The following ZDHHC13 variants were observed in gnomAD, a reference collection of about 807,000 sequenced individuals.
ZDHHC13 encodes zDHHC palmitoyltransferase 13.
In ZDHHC13, 85 loss-of-function variants were observed where a neutral mutation model predicts 86.0. The observed-to-expected ratio is 0.99, with a 90% confidence interval of 0.83 to 1.18. ZDHHC13 has a LOEUF of 1.18. Ranked by LOEUF, ZDHHC13 falls within the 50% of genes most tolerant of loss-of-function variation. ZDHHC13 has a pLI of 0.00. For synonymous variants in ZDHHC13, 263 were observed against 246.4 expected (o/e 1.07, Z -0.63); for missense variants, 711 against 730.2 (o/e 0.97, Z 0.30).
Position 19,149,300 on chromosome 11 carries a change from C to T in ZDHHC13, c.488C>T (p.Pro163Leu), listed in dbSNP as rs777154136. The T allele has an allele frequency of 7.5e-6, 12 of 1,603,348 alleles. No individual in the cohort carries two copies. The highest frequency in any genetic ancestry group is 1.0e-5 in the Non-Finnish European group (12 of 1,173,926). The change falls in exon 5 of 17, where the codon CCT (proline) becomes CTT (leucine). Residue 163 changes from proline to leucine, a missense_variant. By Grantham distance (98) the Pro-to-Leu change is moderately conservative. Transcript: ENST00000446113. The stretch of plus-strand genomic sequence containing the variant: ...CTGGCAGTATTGTTTCAACACATGC[C>T]TATTATAGCATATCTCATCTCAAAG... Reference protein sequence around the residue: ...IHLAVLFQHMPIIAYLISKGQ... With the variant: ...IHLAVLFQHMLIIAYLISKGQ...
chr11:19,143,659 A>G (rs1849383036), intron 2 of ZDHHC13, among the ~76,000 whole-genome samples: 1 of 152,226 alleles, frequency 6.6e-6, no homozygotes, highest in Admixed American at 6.5e-5. Flanking sequence ...TTCTCTGACC[A>G]CTTGAAACAC....
At chr11:19,143,173 A>G in intron 2 of ZDHHC13, 50 bp downstream of exon 2, 1 of 1,563,632 alleles carries the variant, frequency 6.4e-7, no homozygotes, top group Non-Finnish European at 8.7e-7. Context: ...TAGAATTAAT[A>G]GTAATATATG....
chr11:19,149,928 G>A (rs1370714094), intron 5 of ZDHHC13, among the ~76,000 whole-genome samples: 1 of 152,190 alleles, frequency 6.6e-6, no homozygotes, highest in Non-Finnish European at 1.5e-5. Flanking sequence ...AAATGCTGTT[G>A]GAATGATTGT....
In ZDHHC13 at chr11:19,130,087, T is replaced by TA. The variant is rs1167902797; in HGVS notation, c.27+12821dup. On this transcript the variant is annotated intron_variant, in intron 1 of 16. Coordinates refer to ENST00000446113, the MANE Select transcript of ZDHHC13 (RefSeq NM_019028.3). ...TGGGCAACAGAGTGAGACTCCGTCT[T>TA]AAAAAAAAAAGAGCTGGGAAGCATT... Among the ~76,000 whole-genome samples the TA allele has an allele frequency of 3.4e-4, 51 of 148,066 alleles. No individual in the cohort carries two copies. In the East Asian group the frequency reaches 5.5e-3, roughly 16 times the overall value.
chr11:19,139,074 T>C (rs955526938), intron 1 of ZDHHC13, among the ~76,000 whole-genome samples: 141 of 151,976 alleles, frequency 9.3e-4, no homozygotes, highest in African/African-American at 3.1e-3. Flanking sequence ...GGCAATTAGG[T>C]AGGAGAAGGA....
intron 9 of ZDHHC13, 62 bp from the exon 10 acceptor site, chr11:19,158,878 A>G: frequency 1.8e-6 from 2 of 1,131,936 alleles, no homozygotes; most frequent in South Asian, 1.7e-5. Context: ...TATTTAGGGA[A>G]ATTTAGAACT....
intron 1 of ZDHHC13, among the ~76,000 whole-genome samples, chr11:19,121,197 C>T (rs1251462375): frequency 6.6e-6 from 1 of 152,146 alleles, no homozygotes; most frequent in African/African-American, 2.4e-5. Flanking sequence ...GTTAGCAGAG[C>T]CCAGGTGTCA....
chr11:19,156,177 T>C (rs1436502586), intron 9 of ZDHHC13, among the ~76,000 whole-genome samples: 1 of 152,218 alleles, frequency 6.6e-6, no homozygotes, highest in East Asian at 1.9e-4. Flanking sequence ...GGGTCACGTT[T>C]TAATTGTTAT....
chr11:19,147,071 A>G (rs1052719689), intron 3 of ZDHHC13, among the ~76,000 whole-genome samples: 3 of 152,188 alleles, frequency 2.0e-5, no homozygotes, highest in Non-Finnish European at 4.4e-5. Flanking sequence ...TCCACCTTAT[A>G]CAGTGCCTCT....
chr11:19,134,696 G>A (rs973873694), intron 1 of ZDHHC13, among the ~76,000 whole-genome samples: 4 of 151,668 alleles, frequency 2.6e-5, no homozygotes, highest in Admixed American at 6.6e-5. Flanking sequence ...ATTACACACT[G>A]CGGTCTGTCA....
rs552240817 is a variant in ZDHHC13, at chr11:19,146,425, C to A, written c.296+122C>A. Reference sequence around the variant, plus strand: ...TCCTCGTGTAAAAGAACACCCGAAACTTTTTCTGCCACACACGTTGGTTAT... The same window carrying A: ...TCCTCGTGTAAAAGAACACCCGAAAATTTTTCTGCCACACACGTTGGTTAT... On this transcript the variant is annotated intron_variant, in intron 3 of 16. Transcript: ENST00000446113. The A allele has an allele frequency of 1.4e-5, 16 of 1,164,476 alleles. No homozygotes were observed. In the South Asian group the frequency reaches 3.7e-4, roughly 27 times the overall value. 72.1% of individuals were successfully genotyped at this position (1,164,476 alleles called of 1,614,324 possible). A position where few individuals can be genotyped will look rare whatever the true frequency, so the allele number is the denominator to read the frequency against.
In ZDHHC13 at chr11:19,155,841, G is replaced by A; in HGVS notation, c.919G>A (p.Gly307Arg). The A allele has an allele frequency of 6.2e-7, 1 of 1,613,038 alleles. No individual in the cohort carries two copies. Among genetic ancestry groups the A allele is most frequent in the Middle Eastern group, 1.7e-4 (1 of 6,060 alleles). Residue 307 changes from glycine (G) to arginine (R), a missense_variant, in exon 9 of 17, where the codon GGA becomes AGA. Coordinates refer to ENST00000446113, the MANE Select transcript of ZDHHC13 (RefSeq NM_019028.3). Reference protein sequence around the residue: ...MLSVITMWAIGYILDFNSDSW... With the variant: ...MLSVITMWAIRYILDFNSDSW... ...TTCTGTGATTACCATGTGGGCTATT[G>A]GATACATATTGGACTTCAATTCAGA...
intron 1 of ZDHHC13, among the ~76,000 whole-genome samples, chr11:19,123,085 C>T (rs1189804580): frequency 1.3e-5 from 2 of 152,172 alleles, no homozygotes; most frequent in Admixed American, 6.5e-5. Flanking sequence ...GACTTAAATT[C>T]CTGGAGGATA....
chr11:19,135,801 C>A (rs1316253579), intron 1 of ZDHHC13, among the ~76,000 whole-genome samples: 2 of 152,240 alleles, frequency 1.3e-5, no homozygotes, highest in East Asian at 3.8e-4. Context: ...AGGCACCCCC[C>A]AGCAGGGGTA....
chr11:19,139,236 G>A (rs532324682), intron 1 of ZDHHC13, among the ~76,000 whole-genome samples: 11 of 152,118 alleles, frequency 7.2e-5, no homozygotes, highest in South Asian at 2.1e-4. Context: ...CAAAATCAAC[G>A]TACAAAAATC....
At chr11:19,161,648 C>T (rs1191739320) in intron 10 of ZDHHC13, among the ~76,000 whole-genome samples, 1 of 150,058 alleles carries the variant, frequency 6.7e-6, no homozygotes, top group Non-Finnish European at 1.5e-5. Flanking sequence ...AAAATTCAAA[C>T]TCAGGAGAGA....
Position 19,175,883 on chromosome 11 carries a change from C to A in ZDHHC13, c.1792C>A (p.Pro598Thr). The change falls in exon 17 of 17, where the codon CCC becomes ACC. Residue 598 changes from proline (P) to threonine (T), a missense_variant. Pro to Thr is a conservative substitution (Grantham distance 38). Transcript: ENST00000446113. ...FQCGCFGLVK[P>T]CVVDWTSQYT... Reference sequence around the variant, plus strand: ...GTGTGGCTGCTTTGGCTTGGTGAAGCCCTGTGTGGTAGATTGGACATCACA... The same window carrying A: ...GTGTGGCTGCTTTGGCTTGGTGAAGACCTGTGTGGTAGATTGGACATCACA... 2 of 1,613,654 alleles carry A rather than the reference C, an allele frequency of 1.2e-6. No homozygotes were observed. Among genetic ancestry groups the A allele is most frequent in the South Asian group, 2.2e-5 (2 of 91,014 alleles).
chr11:19,121,463 T>C (rs184953037), intron 1 of ZDHHC13, among the ~76,000 whole-genome samples: 2 of 152,362 alleles, frequency 1.3e-5, no homozygotes, highest in East Asian at 1.9e-4. Context: ...CAGCACGTAG[T>C]AGGCATTCAG....
intron 2 of ZDHHC13, among the ~76,000 whole-genome samples, chr11:19,143,676 T>G (rs1357247048): frequency 6.6e-6 from 1 of 152,222 alleles, no homozygotes; most frequent in African/African-American, 2.4e-5. Flanking sequence ...ACACATAGTG[T>G]GTTGTTTTGC....
Sources: allele counts gnomAD v4.1 joint callset (sites outside exome capture counted in the v4.1 genomes callset), GRCh38; gene constraint gnomAD v4.1.1; transcripts MANE v1.5; gene names NCBI Gene and HGNC (gene_info 2026-07-23, HGNC 2026-07-21).